DENND2B: variants seen among roughly 807,000 people sequenced by gnomAD.
DENND2B encodes DENN domain containing 2B.
DENND2B carries 32 observed loss-of-function variants against 116.0 expected under a neutral mutation model. The ratio of observed to expected loss-of-function variants is 0.28; its 90% CI spans 0.21 to 0.37. The LOEUF is 0.37. DENND2B is among the 10% of genes least tolerant of loss of function. DENND2B has a pLI of 1.00. For synonymous variants in DENND2B, 588 were observed against 583.9 expected, an observed-to-expected ratio of 1.01 and a Z score of -0.10; for missense variants, 1,276 against 1,477.7, an observed-to-expected ratio of 0.86 and a Z score of 2.24.
intron 4 of DENND2B, among the ~76,000 whole-genome samples, chr11:8,818,808 C>G (rs2061665660): frequency 6.6e-6 from 1 of 152,102 alleles, no homozygotes; most frequent in Admixed American, 6.6e-5. Context: ...TAAAACCAAC[C>G]AACTAATCAA....
intron 1 of DENND2B, among the ~76,000 whole-genome samples, chr11:8,904,588 GA>G (rs1030309081): frequency 2.0e-5 from 3 of 152,122 alleles, no homozygotes; most frequent in Admixed American, 2.0e-4. Flanking sequence ...GATTAGGCAA[GA>G]AAAAGAAGTC....
chr11:8,873,119 A>G (rs2063808558), upstream of DENND2B, among the ~76,000 whole-genome samples: 1 of 152,192 alleles, frequency 6.6e-6, no homozygotes, highest in South Asian at 2.1e-4. Flanking sequence ...TGAGCTCTGT[A>G]AGGAGGTTCT....
At chr11:8,790,187 C>G (rs537060613) in intron 1 of DENND2B, among the ~76,000 whole-genome samples, 1 of 152,178 alleles carries the variant, frequency 6.6e-6, no homozygotes, top group African/African-American at 2.4e-5. Flanking sequence ...AGGAACTATG[C>G]CTCCTTCAAA....
rs188485880 is a variant in DENND2B, at chr11:8,905,308, T to G, written c.-256+5513A>C. ...TTAATGAGAAAAGGATAGTCTTTTATACAAATGATACTGAGAAAATTGAAC... is the reference window on the plus strand; with the variant it reads ...TTAATGAGAAAAGGATAGTCTTTTAGACAAATGATACTGAGAAAATTGAAC... On this transcript the variant is annotated intron_variant, in intron 1 of 22. Transcript: ENST00000534127. Among the ~76,000 whole-genome samples, 207 of 152,308 alleles carry G rather than the reference T, an allele frequency of 1.4e-3. 1 individual carries two copies. The highest frequency in any genetic ancestry group is 4.7e-3 in the African/African-American group (197 of 41,588).
In DENND2B at chr11:8,901,117, T is replaced by C. The variant is rs184181590; in HGVS notation, c.-256+9704A>G. On this transcript the variant is annotated intron_variant, in intron 1 of 22. Coordinates refer to the DENND2B transcript ENST00000534127. Reference sequence around the variant, plus strand: ...TTGATTTTTCTCTATTTTTCTACTTTGTATTTTATTGATTTCTACCTAATC... The same window carrying C: ...TTGATTTTTCTCTATTTTTCTACTTCGTATTTTATTGATTTCTACCTAATC... Among the ~76,000 whole-genome samples, 372 of 152,178 alleles carry C rather than the reference T, an allele frequency of 2.4e-3. 1 individual carries two copies. The highest frequency in any genetic ancestry group is 7.8e-3 in the African/African-American group (322 of 41,538).
intron 1 of DENND2B, among the ~76,000 whole-genome samples, chr11:8,904,699 G>A (rs2064213608): frequency 6.6e-6 from 1 of 152,072 alleles, no homozygotes; most frequent in Non-Finnish European, 1.5e-5. Context: ...CTTAGAACAA[G>A]TAAATGAGTT....
At chr11:8,836,413 C>CTTTTTTTTTTTTTTTTTTTTTTT (rs67181023) in intron 4 of DENND2B, among the ~76,000 whole-genome samples, 1 of 77,550 alleles carries the variant, frequency 1.3e-5, no homozygotes. Flanking sequence ...TTCTGTACTT[C>CTTTTTTTTTTTTTTTTTTTTTTT]TTTTTTTTTT....
intron 4 of DENND2B, among the ~76,000 whole-genome samples, chr11:8,819,980 TAAAAGTAA>T (rs1026522480): frequency 1.3e-5 from 2 of 152,244 alleles, no homozygotes; most frequent in Non-Finnish European, 2.9e-5. Context: ...TAAAATTATT[TAAAAGTAA>T]AAAGTTTTTA....
intron 2 of DENND2B, among the ~76,000 whole-genome samples, chr11:8,863,139 G>GA (rs1468216285): frequency 6.6e-6 from 1 of 151,566 alleles, no homozygotes; most frequent in Non-Finnish European, 1.5e-5. Flanking sequence ...AACATAGGGG[G>GA]ACCCCGTCTC....
chr11:8,699,095 A>G (rs2041006853), intron 15 of DENND2B, 118 bp downstream of exon 15: 1 of 1,526,488 alleles, frequency 6.6e-7, no homozygotes, highest in Non-Finnish European at 8.8e-7. Context: ...AGCCGGGGAT[A>G]GACCTCCCAG....
At position 8,718,531 on chromosome 11, in the gene DENND2B, G is replaced by C. The variant is rs568292709; in HGVS notation, c.1478-639C>G. 30 of 1,439,808 alleles carry C rather than the reference G, an allele frequency of 2.1e-5. 1 individual carries two copies. In the South Asian group the frequency reaches 3.5e-4, roughly 17 times the overall value. 89.2% of individuals were successfully genotyped at this position (1,439,808 alleles called of 1,614,324 possible). On this transcript the variant is annotated intron_variant, in intron 4 of 19. Coordinates refer to ENST00000313726, the MANE Select transcript of DENND2B (RefSeq NM_213618.2). ...TAGCAAGGAGGAAGTGTTCAGTAAT[G>C]ATCTGTTCGATGACTCTCCTACTGT...
intron 3 of DENND2B, among the ~76,000 whole-genome samples, chr11:8,843,273 G>T (rs942376129): frequency 6.6e-6 from 1 of 152,104 alleles, no homozygotes; most frequent in African/African-American, 2.4e-5. Context: ...CTCCCAAAGT[G>T]CAGGGATTAC....
At position 8,698,932 on chromosome 11, in the gene DENND2B, C is replaced by G; in HGVS notation, c.2940+1G>C. 6.2e-7 allele frequency: 1 copy of G among 1,614,196 alleles called. No individual in the cohort carries two copies. Among genetic ancestry groups the G allele is most frequent in the Non-Finnish European group, 8.5e-7 (1 of 1,180,046 alleles). On this transcript the variant is annotated splice_donor_variant, in intron 16 of 19. Transcript: ENST00000313726. LOFTEE classifies it high-confidence loss of function. ...ACTCTAGCAAGCACCCACCCTCTTACCTGTCGGATGAATCGGTCAGATCCC... is the reference window on the plus strand; with the variant it reads ...ACTCTAGCAAGCACCCACCCTCTTAGCTGTCGGATGAATCGGTCAGATCCC...
chr11:8,820,162 A>C (rs1201773920), intron 4 of DENND2B, among the ~76,000 whole-genome samples: 1 of 152,244 alleles, frequency 6.6e-6, no homozygotes, highest in Non-Finnish European at 1.5e-5. Flanking sequence ...CTGTTGAAGA[A>C]TATTTAGTAA....
At chr11:8,902,984 T>C (rs893514321) in intron 1 of DENND2B, among the ~76,000 whole-genome samples, 35 of 152,074 alleles carry the variant, frequency 2.3e-4, no homozygotes, top group Non-Finnish European at 4.6e-4. Context: ...CTCAGCCTCC[T>C]GAGTAGCTGA....
At chr11:8,705,392 T>A (rs980138481) in intron 13 of DENND2B, among the ~76,000 whole-genome samples, 2 of 152,102 alleles carry the variant, frequency 1.3e-5, no homozygotes, top group African/African-American at 4.8e-5. Flanking sequence ...CCACGCCTCA[T>A]CCTGACCTCT....
chr11:8,737,679 TTC>T (rs1450768547), intron 2 of DENND2B, among the ~76,000 whole-genome samples: 2 of 117,688 alleles, frequency 1.7e-5, no homozygotes, highest in African/African-American at 2.8e-5. Context: ...TTCTTTCTCT[TTC>T]TCTCTCTCTC....
At chr11:8,705,915 G>A (rs184339736) in intron 13 of DENND2B, among the ~76,000 whole-genome samples, 36 of 152,292 alleles carry the variant, frequency 2.4e-4, no homozygotes, top group Non-Finnish European at 4.3e-4. Flanking sequence ...TTTTCACTCC[G>A]ACCATTATCT....
chr11:8,777,882 C>A (rs1313620848), intron 1 of DENND2B, among the ~76,000 whole-genome samples: 1 of 152,212 alleles, frequency 6.6e-6, no homozygotes, highest in African/African-American at 2.4e-5. Flanking sequence ...TCTGAATAAG[C>A]TTATCTCACA....
Sources: allele counts gnomAD v4.1 joint callset (sites outside exome capture counted in the v4.1 genomes callset), GRCh38; gene constraint gnomAD v4.1.1; transcripts MANE v1.5; gene names NCBI Gene and HGNC (gene_info 2026-07-23, HGNC 2026-07-21).